SNX29: variants seen among roughly 807,000 people sequenced by gnomAD.
SNX29 encodes sorting nexin-29.
In SNX29, 78 loss-of-function variants were observed where a neutral mutation model predicts 102.1. The ratio of observed to expected loss-of-function variants is 0.76; its 90% CI spans 0.64 to 0.92. The LOEUF is 0.92. Among genes scored for constraint, SNX29 ranks in the 40% least tolerant of loss-of-function variants. The pLI, the probability that SNX29 is intolerant of heterozygous loss-of-function variation, is 0.00. For synonymous variants in SNX29, 580 were observed against 414.5 expected, an observed-to-expected ratio of 1.40 and a Z score of -4.85; for missense variants, 1,280 against 1,061.7, an observed-to-expected ratio of 1.21 and a Z score of -2.86.
chr16:12,537,266 C>G (rs73508554), intron 20 of SNX29, among the ~76,000 whole-genome samples: 10 of 152,298 alleles, frequency 6.6e-5, no homozygotes, highest in African/African-American at 1.9e-4. Flanking sequence ...TTCTTTTCAC[C>G]TCAGGAAACT....
In SNX29 at chr16:12,534,310, T is replaced by C. The variant is rs77828077; in HGVS notation, c.2318+9469T>C. Reference sequence around the variant, plus strand: ...CTCCGTGTGGGAGACGTGCTCCTAATGAGGGCCTCTGTGCCCAGCCAAATG... The same window carrying C: ...CTCCGTGTGGGAGACGTGCTCCTAACGAGGGCCTCTGTGCCCAGCCAAATG... On this transcript the variant is annotated intron_variant, in intron 20 of 20. Transcript: ENST00000566228. Among the ~76,000 whole-genome samples, 851 of 152,328 alleles carry C rather than the reference T, an allele frequency of 5.6e-3. 2 individuals carry two copies. The highest frequency in any genetic ancestry group is 0.02 in the African/African-American group (813 of 41,574).
intron 18 of SNX29, among the ~76,000 whole-genome samples, chr16:12,462,952 T>TC (rs1230285286): frequency 1.3e-5 from 2 of 152,140 alleles, no homozygotes; most frequent in African/African-American, 4.8e-5. Flanking sequence ...GATCGCTGGA[T>TC]CCCCCAGCAG....
In SNX29 at chr16:12,518,154, C is replaced by T. The variant is rs191503368; in HGVS notation, c.2179-6548C>T. 1.6e-4 allele frequency among the ~76,000 whole-genome samples: 24 copies of T among 152,242 alleles called. No individual in the cohort carries two copies. The East Asian group carries it at 4.4e-3, about 28-fold the overall frequency. ...TTGAAGAATTCCAACTGCAGAGGGT[C>T]GTGATGGAGTTTTGAGAGCTCTCTC... On this transcript the variant is annotated intron_variant, in intron 19 of 20. Coordinates refer to ENST00000566228, the MANE Select transcript of SNX29 (RefSeq NM_032167.5).
intron 4 of SNX29, among the ~76,000 whole-genome samples, chr16:12,029,447 T>C (rs1289006045): frequency 6.6e-6 from 1 of 152,178 alleles, no homozygotes; most frequent in Admixed American, 6.5e-5. Context: ...CTTGGCTTGC[T>C]GTCTTTGTAG....
chr16:12,552,388 C>T (rs762765664), intron 20 of SNX29, among the ~76,000 whole-genome samples: 1 of 152,210 alleles, frequency 6.6e-6, no homozygotes, highest in Non-Finnish European at 1.5e-5. Context: ...AAGCATGGTA[C>T]CTGGCGCAGA....
At chr16:12,326,464 C>T (rs1397337525) in intron 15 of SNX29, among the ~76,000 whole-genome samples, 7 of 151,804 alleles carry the variant, frequency 4.6e-5, no homozygotes, top group African/African-American at 1.2e-4. Context: ...AGGGCTGTGT[C>T]GGAAACATGT....
At chr16:12,131,416 C>G (rs377035074) in intron 13 of SNX29, among the ~76,000 whole-genome samples, 50 of 152,306 alleles carry the variant, frequency 3.3e-4, no homozygotes, top group African/African-American at 1.1e-3. Context: ...TACATGTAAT[C>G]TATGCCTGTG....
chr16:12,248,475 A>T (rs1789141258), intron 14 of SNX29, among the ~76,000 whole-genome samples: 1 of 151,192 alleles, frequency 6.6e-6, no homozygotes, highest in African/African-American at 2.4e-5. Flanking sequence ...AGCTCACTGC[A>T]ACGTCTGCCT....
At chr16:12,022,613 C>T (rs1469758938) in intron 3 of SNX29, among the ~76,000 whole-genome samples, 1 of 152,138 alleles carries the variant, frequency 6.6e-6, no homozygotes, top group Non-Finnish European at 1.5e-5. Context: ...AACACTTAAT[C>T]CCTAATTTCA....
intron 15 of SNX29, among the ~76,000 whole-genome samples, chr16:12,321,071 C>T (rs1351959132): frequency 1.3e-5 from 2 of 152,130 alleles, no homozygotes; most frequent in African/African-American, 2.4e-5. Flanking sequence ...GAGGTCCTTA[C>T]CACCATCCCG....
At chr16:12,537,738 C>A (rs1286720320) in intron 20 of SNX29, among the ~76,000 whole-genome samples, 1 of 152,080 alleles carries the variant, frequency 6.6e-6, no homozygotes, top group African/African-American at 2.4e-5. Flanking sequence ...ATTTTTGGCA[C>A]AATGACCTCT....
At chr16:12,429,798 A>G (rs76765742) in intron 18 of SNX29, among the ~76,000 whole-genome samples, 14,075 of 152,172 alleles carry the variant, frequency 0.092, 776 homozygotes, top group Middle Eastern at 0.19. Context: ...CTTTTCCTGA[A>G]TAGGTTTGTG....
At chr16:12,543,166 C>G (rs1038315950) in intron 20 of SNX29, among the ~76,000 whole-genome samples, 1 of 152,212 alleles carries the variant, frequency 6.6e-6, no homozygotes, top group African/African-American at 2.4e-5. Flanking sequence ...GTGTTCTCAT[C>G]AGCTCCTGTA....
At chr16:12,099,806 C>T (rs1294397544) in intron 11 of SNX29, among the ~76,000 whole-genome samples, 3 of 152,170 alleles carry the variant, frequency 2.0e-5, no homozygotes, top group African/African-American at 4.8e-5. Flanking sequence ...CCACCTCCCT[C>T]TGTGGTGCAG....
intron 11 of SNX29, among the ~76,000 whole-genome samples, chr16:12,080,478 A>G (rs2051809627): frequency 6.6e-6 from 1 of 152,028 alleles, no homozygotes. Flanking sequence ...GCTGCTTTTC[A>G]CCTGTCAATC....
At chr16:12,189,099 G>A (rs1486078644) in intron 13 of SNX29, among the ~76,000 whole-genome samples, 1 of 152,162 alleles carries the variant, frequency 6.6e-6, no homozygotes, top group Non-Finnish European at 1.5e-5. Flanking sequence ...TACAGAGAGG[G>A]CCTGGGAATC....
intron 10 of SNX29, among the ~76,000 whole-genome samples, chr16:12,073,963 C>T (rs2051423445): frequency 6.6e-6 from 1 of 152,086 alleles, no homozygotes; most frequent in African/African-American, 2.4e-5. Context: ...GGTTTAAAGT[C>T]TCTTTTATCA....
intron 8 of SNX29, among the ~76,000 whole-genome samples, chr16:12,053,971 T>G (rs1014988723): frequency 6.6e-6 from 1 of 151,336 alleles, no homozygotes; most frequent in Non-Finnish European, 1.5e-5. Context: ...TTGTCAGTTT[T>G]TGTTTTTTTT....
At chr16:12,315,927 C>T (rs2080717916) in intron 15 of SNX29, among the ~76,000 whole-genome samples, 1 of 152,198 alleles carries the variant, frequency 6.6e-6, no homozygotes, top group Non-Finnish European at 1.5e-5. Flanking sequence ...GGGTGAACTG[C>T]ATCAGGCCTC....
Sources: gnomAD v4.1 joint callset for allele counts (sites outside exome capture counted in the v4.1 genomes callset) on GRCh38, gnomAD v4.1.1 for gene constraint, MANE v1.5 for transcripts, NCBI Gene and HGNC (gene_info 2026-07-23, HGNC 2026-07-21) for gene names.